COPG2: variants seen among roughly 807,000 people sequenced by gnomAD.
COPG2 encodes the protein coat protein complex I subunit gamma 2, also known as coatomer subunit gamma-2.
In COPG2, 37 loss-of-function variants were observed where a neutral mutation model predicts 46.3. The ratio of observed to expected loss-of-function variants is 0.80; its 90% CI spans 0.61 to 1.05. The LOEUF is 1.05. Among genes scored for constraint, COPG2 ranks in the 50% least tolerant of loss-of-function variants. COPG2 has a pLI of 0.00. For synonymous variants in COPG2, 159 were observed against 129.7 expected (o/e 1.23, Z -1.53); for missense variants, 427 against 387.8 (o/e 1.10, Z -0.85).
At chr7:130,610,051 A>G (rs1794814327) in intron 9 of COPG2, 3 of 517,632 alleles carry the variant, frequency 5.8e-6, no homozygotes, top group South Asian at 4.2e-5. Flanking sequence ...TATGTGGGTC[A>G]TCTGTAAGTC....
chr7:130,556,538 G>A (rs1793629840), intron 12 of COPG2, among the ~76,000 whole-genome samples: 1 of 152,118 alleles, frequency 6.6e-6, no homozygotes, highest in Non-Finnish European at 1.5e-5. Flanking sequence ...CATAATGTTT[G>A]TATGAAGCAA....
At chr7:130,563,099 A>C (rs1793742875) in intron 11 of COPG2, among the ~76,000 whole-genome samples, 170 bp downstream of exon 11, 1 of 152,222 alleles carries the variant, frequency 6.6e-6, no homozygotes, top group East Asian at 1.9e-4. Context: ...TCTTCAGCTA[A>C]ATAATAATAA....
intron 3 of COPG2, among the ~76,000 whole-genome samples, chr7:130,664,708 CAT>C (rs1342123205): frequency 1.3e-5 from 2 of 152,154 alleles, no homozygotes; most frequent in African/African-American, 2.4e-5. Flanking sequence ...CATAAAAATA[CAT>C]GTTACTCTCA....
At chr7:130,572,344 G>C (rs879950958) in intron 9 of COPG2, among the ~76,000 whole-genome samples, 1 of 152,130 alleles carries the variant, frequency 6.6e-6, no homozygotes, top group East Asian at 1.9e-4. Flanking sequence ...CAGAAGACTT[G>C]AACAACATGA....
chr7:130,587,851 T>C (rs1279836480), intron 9 of COPG2, among the ~76,000 whole-genome samples: 195 of 151,966 alleles, frequency 1.3e-3, no homozygotes, highest in African/African-American at 2.1e-3. Context: ...TCAGAGTGAA[T>C]AGGCAACCTA....
At chr7:130,623,996 AG>A (rs1465658655) in intron 5 of COPG2, among the ~76,000 whole-genome samples, 1 of 152,134 alleles carries the variant, frequency 6.6e-6, no homozygotes, top group Non-Finnish European at 1.5e-5. Context: ...ATAATTCTGG[AG>A]TCTAGGAAGT....
chr7:130,525,813 G>GA (rs1304320093), intron 20 of COPG2, among the ~76,000 whole-genome samples: 2 of 152,100 alleles, frequency 1.3e-5, no homozygotes, highest in African/African-American at 4.8e-5. Flanking sequence ...CTGGAGTGTG[G>GA]ACTTCATTTA....
chr7:130,666,001 G>A (rs573153617), intron 3 of COPG2, among the ~76,000 whole-genome samples: 13 of 152,230 alleles, frequency 8.5e-5, no homozygotes, highest in African/African-American at 2.9e-4. Context: ...GCTGAATGAC[G>A]GAAGGAAAAC....
At chr7:130,590,167 T>C (rs1320920203) in intron 9 of COPG2, among the ~76,000 whole-genome samples, 4 of 152,046 alleles carry the variant, frequency 2.6e-5, no homozygotes, top group African/African-American at 9.7e-5. Context: ...ATTTCTCTAC[T>C]TCTTTAAATG....
intron 12 of COPG2, among the ~76,000 whole-genome samples, chr7:130,559,442 C>G (rs1793682556): frequency 6.6e-6 from 1 of 152,162 alleles, no homozygotes. Context: ...CTCTAGTACC[C>G]ACAAACACTG....
In COPG2 at chr7:130,548,464, G is replaced by C. The variant is rs1236602485; in HGVS notation, c.1916C>G (p.Ala639Gly). The C allele has an allele frequency of 5.0e-6, 2 of 398,504 alleles. No homozygotes were observed. Among genetic ancestry groups the C allele is most frequent in the Non-Finnish European group, 8.8e-6 (2 of 226,066 alleles). 24.7% of individuals were successfully genotyped at this position (398,504 alleles called of 1,614,324 possible). ...KSSEPVQLTE[A>G]ETEYFVRCIK... ...ACATCGAACAAAATATTCTGTCTCT[G>C]CTTCTGTAAGTTGAACAGGCTCAGA... The change falls in exon 19 of 24, where the codon GCA becomes GGA. Residue 639 changes from alanine to glycine, a missense_variant. Ala to Gly is a moderately conservative substitution (Grantham distance 60). Coordinates refer to ENST00000425248, the MANE Select transcript of COPG2 (RefSeq NM_012133.6).
intron 9 of COPG2, among the ~76,000 whole-genome samples, chr7:130,572,531 GAATTA>G (rs1793924877): frequency 6.6e-6 from 1 of 152,084 alleles, no homozygotes. Context: ...AACCAGAACT[GAATTA>G]AATTATAAAT....
At chr7:130,618,686 A>C (rs1414618976) in intron 5 of COPG2, among the ~76,000 whole-genome samples, 7 of 152,154 alleles carry the variant, frequency 4.6e-5, no homozygotes, top group African/African-American at 1.7e-4. Flanking sequence ...TATTATTCAT[A>C]TCTTTTTTAC....
rs193161160 is a variant in COPG2, at chr7:130,653,408, C to G, written c.244-460G>C. On this transcript the variant is annotated intron_variant, in intron 4 of 23. Coordinates refer to ENST00000425248, the MANE Select transcript of COPG2 (RefSeq NM_012133.6). The stretch of plus-strand genomic sequence containing the variant: ...AGCTGGAATTACAGGCACTCACCAC[C>G]ACACCTGGCTAATTTTTGTATTTTT... 8.5e-5 allele frequency among the ~76,000 whole-genome samples: 13 copies of G among 152,318 alleles called. No individual in the cohort carries two copies. In the East Asian group the frequency reaches 2.5e-3, roughly 29 times the overall value.
chr7:130,545,629 A>G (rs1279782288), intron 20 of COPG2, among the ~76,000 whole-genome samples: 1 of 152,208 alleles, frequency 6.6e-6, no homozygotes, highest in Non-Finnish European at 1.5e-5. Context: ...TTGTTTTTTA[A>G]GTAGGTATAT....
At chr7:130,639,393 G>A (rs895468743) in intron 5 of COPG2, among the ~76,000 whole-genome samples, 1 of 152,058 alleles carries the variant, frequency 6.6e-6, no homozygotes, top group Non-Finnish European at 1.5e-5. Flanking sequence ...GTCATTTTGG[G>A]GGTATCTATT....
intron 9 of COPG2, among the ~76,000 whole-genome samples, chr7:130,577,026 A>T (rs1431292694): frequency 6.6e-6 from 1 of 152,246 alleles, no homozygotes; most frequent in African/African-American, 2.4e-5. Context: ...AAATGAATAA[A>T]CTGCTGGAAA....
chr7:130,574,033 C>T (rs1447984939), intron 9 of COPG2, among the ~76,000 whole-genome samples: 1 of 151,968 alleles, frequency 6.6e-6, no homozygotes, highest in Non-Finnish European at 1.5e-5. Context: ...ACACACAAAG[C>T]TTTATATATG....
intron 14 of COPG2, among the ~76,000 whole-genome samples, chr7:130,552,942 G>C (rs1004994451): frequency 3.3e-5 from 5 of 152,290 alleles, no homozygotes; most frequent in African/African-American, 1.2e-4. Context: ...GACATCATAG[G>C]TAAGTCCATG....
Sources: gnomAD v4.1 joint callset for allele counts (sites outside exome capture counted in the v4.1 genomes callset) on GRCh38, gnomAD v4.1.1 for gene constraint, MANE v1.5 for transcripts, NCBI Gene and HGNC (gene_info 2026-07-23, HGNC 2026-07-21) for gene names.